The following C19orf47 variants were observed in gnomAD, a reference collection of about 807,000 sequenced individuals.
C19orf47 encodes chromosome 19 open reading frame 47.
In C19orf47, 18 loss-of-function variants were observed where a neutral mutation model predicts 32.3. That is an observed-to-expected ratio of 0.56 (90% CI 0.39 to 0.83). The LOEUF (loss-of-function observed/expected upper bound fraction) is 0.83, where lower values mean the gene tolerates loss of function less well. Among genes scored for constraint, C19orf47 ranks in the 40% least tolerant of loss-of-function variants. The probability of loss-of-function intolerance (pLI) is 0.00; values close to 1 mark genes in which losing one functional copy is unlikely to be tolerated. For synonymous variants in C19orf47, 202 were observed against 211.1 expected (o/e 0.96, Z 0.37); for missense variants, 484 against 531.6 (o/e 0.91, Z 0.88).
At chr19:40,347,729 T>C (rs2078344532) in intron 1 of C19orf47, among the ~76,000 whole-genome samples, 1 of 152,224 alleles carries the variant, frequency 6.6e-6, no homozygotes, top group African/African-American at 2.4e-5. Context: ...TTGCTGTCTC[T>C]GAGCTTTCTC....
chr19:40,333,204 G>A (rs2077990623), intron 5 of C19orf47, among the ~76,000 whole-genome samples: 1 of 151,838 alleles, frequency 6.6e-6, no homozygotes, highest in South Asian at 2.1e-4. Flanking sequence ...GTTGCAGTGA[G>A]CTGAGATCGT....
upstream of C19orf47, chr19:40,348,415 C>A: frequency 6.7e-7 from 1 of 1,491,686 alleles, no homozygotes; most frequent in Non-Finnish European, 8.9e-7. Flanking sequence ...CCGGGCTGCC[C>A]GCCCCGGAAG....
chr19:40,336,545 T>C, intron 2 of C19orf47, 138 bp from the exon 3 acceptor site: 3 of 728,960 alleles, frequency 4.1e-6, no homozygotes, highest in East Asian at 2.7e-5. Context: ...CACACACACA[T>C]GATGGAACTG....
the C19orf47 span, among the ~76,000 whole-genome samples, chr19:40,294,077 G>A: frequency 1.1e-4 from 17 of 152,162 alleles, no homozygotes; most frequent in South Asian, 1.0e-3. Flanking sequence ...CTGAGATGGC[G>A]CCACTGCACT....
In C19orf47 at chr19:40,342,086, C is replaced by T. The variant is rs906467775; in HGVS notation, c.-33-196G>A. ...CCACCATCATCGCTTGTGCCTGAGACAAGGCCCAGGGACAGCAAATGTCCA... is the reference window on the plus strand; with the variant it reads ...CCACCATCATCGCTTGTGCCTGAGATAAGGCCCAGGGACAGCAAATGTCCA... On this transcript the variant is annotated intron_variant, in intron 1 of 8. Coordinates refer to ENST00000683109, the MANE Select transcript of C19orf47 (RefSeq NM_001256441.2). The T allele has an allele frequency of 3.1e-6, 3 of 983,596 alleles. No homozygotes were observed. In the African/African-American group the frequency reaches 5.2e-5, roughly 17 times the overall value. The allele number at this position is 983,596 out of a possible 1,614,324, so 60.9% of individuals were successfully genotyped here. A position where few individuals can be genotyped will look rare whatever the true frequency, so the allele number is the denominator to read the frequency against.
At chr19:40,327,508 G>A (rs889841723) in intron 6 of C19orf47, among the ~76,000 whole-genome samples, 1 of 152,144 alleles carries the variant, frequency 6.6e-6, no homozygotes, top group East Asian at 1.9e-4. Context: ...AGAGGGTGAG[G>A]CACTTCCAAA....
downstream of C19orf47, among the ~76,000 whole-genome samples, chr19:40,318,445 T>C (rs1435330469): frequency 2.6e-5 from 4 of 152,164 alleles, no homozygotes; most frequent in Non-Finnish European, 4.4e-5. Flanking sequence ...TATATATGTT[T>C]TTATATCATT....
chr19:40,333,788 G>A (rs1377832832), intron 5 of C19orf47, 63 bp downstream of exon 5: 9 of 1,330,058 alleles, frequency 6.8e-6, no homozygotes, highest in South Asian at 2.9e-5. Flanking sequence ...ATGGCCAGAC[G>A]TGTCCCCTTC....
chr19:40,308,465 C>CTTT, the C19orf47 span, among the ~76,000 whole-genome samples: 2 of 120,028 alleles, frequency 1.7e-5, no homozygotes, highest in East Asian at 2.6e-4. Context: ...AGAAAGTCAA[C>CTTT]TTTTTTTTTT....
chr19:40,298,157 A>G, the C19orf47 span, among the ~76,000 whole-genome samples: 1 of 152,012 alleles, frequency 6.6e-6, no homozygotes, highest in Admixed American at 6.6e-5. Flanking sequence ...TGTGAAATAA[A>G]TAAATGTAAG....
chr19:40,322,092 G>T lies in C19orf47; in HGVS notation c.948C>A (p.Ile316=). The part of the protein sequence containing the change: ...KPESLSKVSI[I]KRLGAAALVP... The stretch of plus-strand genomic sequence containing the variant: ...CAAGGGCAGCTGCGCCCAGTCTCTT[G>T]ATGATGCTGACTTTAGACAAGGACT... The change falls in exon 9 of 9, where the codon ATC becomes ATA. Residue 316 remains isoleucine (I), a synonymous_variant. Coordinates refer to ENST00000683109, the MANE Select transcript of C19orf47 (RefSeq NM_001256441.2). 1 of 1,614,206 alleles carries T rather than the reference G, an allele frequency of 6.2e-7. No individual in the cohort carries two copies. The highest frequency in any genetic ancestry group is 1.1e-5 in the South Asian group (1 of 91,084).
chr19:40,324,261 A>G, intron 7 of C19orf47, 185 bp from the exon 8 acceptor site: 1 of 619,248 alleles, frequency 1.6e-6, no homozygotes, highest in Middle Eastern at 4.3e-4. Context: ...CTATCTGGCT[A>G]GAGCCAAATG....
At chr19:40,348,511 C>A (rs1359492380), upstream of C19orf47, 1 of 1,488,738 alleles carries the variant, frequency 6.7e-7, no homozygotes, top group African/African-American at 1.5e-5. Context: ...GCGGCCATAA[C>A]CATCACGTGA....
chr19:40,300,677 T>C, the C19orf47 span, among the ~76,000 whole-genome samples: 8 of 152,302 alleles, frequency 5.3e-5, no homozygotes, highest in Admixed American at 3.3e-4. Context: ...TGCTCATCAA[T>C]AGTGTTTTGG....
chr19:40,327,580 C>T (rs1022645885), intron 6 of C19orf47, among the ~76,000 whole-genome samples: 8 of 152,126 alleles, frequency 5.3e-5, no homozygotes, highest in African/African-American at 1.9e-4. Context: ...GAGTGGGTGT[C>T]AGAAACATGA....
intron 1 of C19orf47, among the ~76,000 whole-genome samples, chr19:40,346,304 G>T (rs1290816148): frequency 1.4e-5 from 2 of 143,378 alleles, no homozygotes; most frequent in Non-Finnish European, 3.0e-5. Context: ...TTAGCCAGGC[G>T]TGGTGGTGGG....
chr19:40,341,901 AGAGAG>A lies in C19orf47; in HGVS notation c.-33-16_-33-12del, dbSNP rs2078185098. The A allele has an allele frequency of 6.5e-7, 1 of 1,536,194 alleles. No individual in the cohort carries two copies. The highest frequency in any genetic ancestry group is 1.2e-5 in the South Asian group (1 of 84,060). On this transcript the variant is annotated splice_polypyrimidine_tract_variant and intron_variant, in intron 1 of 8. Transcript: ENST00000683109. ...ACTGCTCCCTGGAGCCTGAAAGAGA[AGAGAG>A]GAGAGAGCCCATGAGCTGCTGCCGG...
chr19:40,336,949 C>G (rs2078077913), intron 2 of C19orf47, among the ~76,000 whole-genome samples: 1 of 152,210 alleles, frequency 6.6e-6, no homozygotes, highest in Non-Finnish European at 1.5e-5. Flanking sequence ...ATGGAAGTTA[C>G]TAACATGGGC....
chr19:40,327,206 G>T (rs1035319015), intron 6 of C19orf47, among the ~76,000 whole-genome samples: 1 of 151,194 alleles, frequency 6.6e-6, no homozygotes, highest in Non-Finnish European at 1.5e-5. Context: ...TAGACATGGG[G>T]TTTCACCATG....
Sources: allele counts gnomAD v4.1 joint callset (sites outside exome capture counted in the v4.1 genomes callset), GRCh38; gene constraint gnomAD v4.1.1; transcripts MANE v1.5; gene names NCBI Gene and HGNC (gene_info 2026-07-23, HGNC 2026-07-21).